The following HEPACAM variants were observed in gnomAD, a reference collection of about 807,000 sequenced individuals.
HEPACAM encodes the protein hepatic and glial cell adhesion molecule.
Under a neutral mutation model 38.3 loss-of-function variants are expected in HEPACAM, and 18 were observed. The ratio of observed to expected loss-of-function variants is 0.47; its 90% CI spans 0.33 to 0.70. The LOEUF is 0.70. Among genes scored for constraint, HEPACAM ranks in the 30% least tolerant of loss-of-function variants. The pLI is 0.03. For missense variants in HEPACAM, 466 were observed against 563.0 expected, an observed-to-expected ratio of 0.83 and a Z score of 1.74; for synonymous variants, 216 against 243.1, an observed-to-expected ratio of 0.89 and a Z score of 1.04.
Position 124,921,008 on chromosome 11 carries a change from C to A in HEPACAM, c.*130G>T, listed in dbSNP as rs1185031443. ...TGCGCATGCTCATACACGTTCACAC[C>A]CGAGACACCAGCGCCCCCCCGGGAC... On this transcript the variant is annotated 3_prime_UTR_variant, in exon 7 of 7. Transcript: ENST00000298251. The surrounding 1 kb of genome is among the most constrained non-coding windows in gnomAD (Gnocchi z 4.6). The A allele has an allele frequency of 2.1e-6, 3 of 1,403,836 alleles. No individual in the cohort carries two copies. The highest frequency in any genetic ancestry group is 2.9e-5 in the Admixed American group (1 of 33,986). The allele number at this position is 1,403,836 out of a possible 1,614,324, so 87.0% of individuals were successfully genotyped here.
chr11:124,928,359 C>G (rs764350259), intron 1 of HEPACAM, among the ~76,000 whole-genome samples: 1 of 152,164 alleles, frequency 6.6e-6, no homozygotes, highest in African/African-American at 2.4e-5. Flanking sequence ...GTATGGATAA[C>G]AAGAGGTGGC....
At chr11:124,928,655 A>G (rs1304661291) in intron 1 of HEPACAM, among the ~76,000 whole-genome samples, 1 of 152,214 alleles carries the variant, frequency 6.6e-6, no homozygotes, top group Non-Finnish European at 1.5e-5. Context: ...AGATAAATGC[A>G]TACCTGATTG....
chr11:124,920,199 A>G lies in HEPACAM; in HGVS notation c.*939T>C. 1.1e-6 allele frequency: 1 copy of G among 886,070 alleles called. No individual in the cohort carries two copies. Among genetic ancestry groups the G allele is most frequent in the Admixed American group, 2.9e-5 (1 of 34,696 alleles). 54.9% of individuals were successfully genotyped at this position (886,070 alleles called of 1,614,324 possible). A position where few individuals can be genotyped will look rare whatever the true frequency, so the allele number is the denominator to read the frequency against. On this transcript the variant is annotated 3_prime_UTR_variant, in exon 7 of 7. Coordinates refer to ENST00000298251, the MANE Select transcript of HEPACAM (RefSeq NM_152722.5). ...TATTCTCACAGCTGGAGGAAGCTCA[A>G]CAACTTTCCTGAGGACAATGATTGT... is the stretch of plus-strand genomic sequence containing the variant.
At chr11:124,935,254 G>A (rs1947328513) in intron 1 of HEPACAM, among the ~76,000 whole-genome samples, 1 of 152,092 alleles carries the variant, frequency 6.6e-6, no homozygotes, top group African/African-American at 2.4e-5. Flanking sequence ...TTAGTAAAAT[G>A]ATCTCCACAT....
At position 124,921,283 on chromosome 11, in the gene HEPACAM, G is replaced by A; in HGVS notation, c.1106C>T (p.Pro369Leu). The A allele has an allele frequency of 7.4e-7, 1 of 1,345,694 alleles. No individual in the cohort carries two copies. The highest frequency in any genetic ancestry group is 9.5e-7 in the Non-Finnish European group (1 of 1,055,990). The allele number at this position is 1,345,694 out of a possible 1,614,324, so 83.4% of individuals were successfully genotyped here. A position where few individuals can be genotyped will look rare whatever the true frequency, so the allele number is the denominator to read the frequency against. The change falls in exon 7 of 7, where the codon CCA becomes CTA. Residue 369 changes from proline to leucine, a missense_variant. Physicochemically the swap from Pro to Leu is moderately conservative, Grantham distance 98 (BLOSUM62 -3). Transcript: ENST00000298251. This position sits in a 1 kb window ranked among gnomAD's most constrained non-coding sequence, Gnocchi z 4.6. ...CGACGAGTGTGTCCGGCCGGTGGCT[G>A]GGGAGCGCGCTGGGGAGCGCGGGTA... Reference protein sequence around the residue: ...RRYPRSPARSPATGRTHSSPP... With the variant: ...RRYPRSPARSLATGRTHSSPP...
At chr11:124,923,558 G>A (rs1161134738) in intron 3 of HEPACAM, 125 bp from the exon 4 acceptor site, 4 of 1,089,558 alleles carry the variant, frequency 3.7e-6, no homozygotes, top group Non-Finnish European at 5.6e-6. Flanking sequence ...TGATGCTGGT[G>A]GTGGAGCTTG....
At chr11:124,929,516 G>A (rs1947258502) in intron 1 of HEPACAM, among the ~76,000 whole-genome samples, 1 of 152,186 alleles carries the variant, frequency 6.6e-6, no homozygotes, top group Non-Finnish European at 1.5e-5. Flanking sequence ...ACACAGAAAT[G>A]AGGAAATAGC....
chr11:124,922,346 G>T, intron 6 of HEPACAM, 42 bp downstream of exon 6: 3 of 1,551,748 alleles, frequency 1.9e-6, no homozygotes, highest in Middle Eastern at 3.4e-4. Flanking sequence ...TGTGGGAGGG[G>T]ATCACTGCAT....
chr11:124,922,526 T>A (rs1171373030), intron 5 of HEPACAM, 68 bp from the exon 6 acceptor site: 1 of 1,599,054 alleles, frequency 6.3e-7, no homozygotes, highest in Admixed American at 1.7e-5. Context: ...GCACCTACTC[T>A]CTGTGCTTCC....
chr11:124,933,038 A>T (rs118010297), intron 1 of HEPACAM, among the ~76,000 whole-genome samples: 1 of 152,148 alleles, frequency 6.6e-6, no homozygotes, highest in African/African-American at 2.4e-5. Context: ...TAAATAATAT[A>T]TTAGGGATGG....
rs1947117097 is a variant in HEPACAM, at chr11:124,920,658, G to A, written c.*480C>T. On this transcript the variant is annotated 3_prime_UTR_variant, in exon 7 of 7. Coordinates refer to ENST00000298251, the MANE Select transcript of HEPACAM (RefSeq NM_152722.5). ...TGCAGCTGTGGATTCTGGGAAAGTG[G>A]CCTCTCTAATCTGAACTTGCAAAAA... The A allele has an allele frequency of 1.8e-6, 1 of 564,468 alleles. No homozygotes were observed. Among genetic ancestry groups the A allele is most frequent in the African/African-American group, 2.7e-5 (1 of 37,430 alleles). 35.0% of individuals were successfully genotyped at this position (564,468 alleles called of 1,614,324 possible).
At position 124,927,349 on chromosome 11, in the gene HEPACAM, C is replaced by CTT. The variant is rs201026909; in HGVS notation, c.86-2282_86-2281dup. Among the ~76,000 whole-genome samples the CTT allele has an allele frequency of 1.2e-3, 176 of 143,306 alleles. 1 individual carries two copies. Among genetic ancestry groups the CTT allele is most frequent in the Non-Finnish European group, 2.0e-3 (129 of 65,418 alleles). 94.0% of individuals were successfully genotyped at this position (143,306 alleles called of 152,430 possible). ...CTCTAGGGGGGCTTCTTAACTCTGA[C>CTT]TTTTTTTTTTTTTGACAAGGTCTCA... On this transcript the variant is annotated intron_variant, in intron 1 of 6. Transcript: ENST00000298251.
chr11:124,936,047 T>C lies in HEPACAM; in HGVS notation c.-41A>G. 1 of 1,562,892 alleles carries C rather than the reference T, an allele frequency of 6.4e-7. No homozygotes were observed. ...CCAGCTCTAGTGCAGACAATTAGCA[T>C]GATTTCTCCACTCTGGGCACGTCCC... On this transcript the variant is annotated 5_prime_UTR_variant, in exon 1 of 7. An upstream start codon of the reference 5' UTR is lost. Transcript: ENST00000298251.
chr11:124,932,047 C>T (rs1344920506), intron 1 of HEPACAM, among the ~76,000 whole-genome samples: 1 of 152,084 alleles, frequency 6.6e-6, no homozygotes, highest in Non-Finnish European at 1.5e-5. Flanking sequence ...GTTAGGATAC[C>T]ACTATAATCC....
intron 1 of HEPACAM, 99 bp downstream of exon 1, chr11:124,935,823 C>T (rs948723314): frequency 1.0e-6 from 1 of 968,056 alleles, no homozygotes; most frequent in Non-Finnish European, 1.6e-6. Flanking sequence ...CTCCCCCACT[C>T]CTGCCCCAAA....
In HEPACAM at chr11:124,919,471, T is replaced by G. The variant is rs1947093754; in HGVS notation, c.*1667A>C. ...TTCTCATCTCACCCTAACCTTCACC[T>G]GTGCATCTCAAGGCTGACCAGCAGG... On this transcript the variant is annotated 3_prime_UTR_variant, in exon 7 of 7. Transcript: ENST00000298251. 1 of 471,462 alleles carries G rather than the reference T, an allele frequency of 2.1e-6. No individual in the cohort carries two copies. The highest frequency in any genetic ancestry group is 3.4e-5 in the Admixed American group (1 of 29,218). 29.2% of individuals were successfully genotyped at this position (471,462 alleles called of 1,614,324 possible).
In HEPACAM at chr11:124,921,130, G is replaced by A. The variant is rs1294609773; in HGVS notation, c.*8C>T. 2.0e-6 allele frequency: 3 copies of A among 1,525,516 alleles called. No homozygotes were observed. In the East Asian group the frequency reaches 7.5e-5, roughly 38 times the overall value. 94.5% of individuals were successfully genotyped at this position (1,525,516 alleles called of 1,614,324 possible). On this transcript the variant is annotated 3_prime_UTR_variant, in exon 7 of 7. Transcript: ENST00000298251. The surrounding 1 kb of genome is among the most constrained non-coding windows in gnomAD (Gnocchi z 4.6). Reference sequence around the variant, plus strand: ...CCGCGGGCGCCTCTCAGGGGATCCCGAGGCGGCTCAGGCGCTGATCTCCAC... The same window carrying A: ...CCGCGGGCGCCTCTCAGGGGATCCCAAGGCGGCTCAGGCGCTGATCTCCAC...
At chr11:124,926,658 C>T (rs1049790565) in intron 1 of HEPACAM, among the ~76,000 whole-genome samples, 1 of 152,064 alleles carries the variant, frequency 6.6e-6, no homozygotes, top group Non-Finnish European at 1.5e-5. Context: ...ATTCTCAGTC[C>T]CTCTGCACCC....
Position 124,921,403 on chromosome 11 carries a change from G to T in HEPACAM, c.986C>A (p.Pro329His). The change falls in exon 7 of 7, where the codon CCT (proline) becomes CAT (histidine). Residue 329 changes from proline to histidine, a missense_variant. Pro to His is a moderately conservative substitution (Grantham distance 77, BLOSUM62 -2). Coordinates refer to ENST00000298251, the MANE Select transcript of HEPACAM (RefSeq NM_152722.5). The surrounding 1 kb of genome is among the most constrained non-coding windows in gnomAD (Gnocchi z 4.6). ...PETEENPAPE[P>H]RSATEPGPPG... ...CGGGCCGGGCTCCGTCGCGCTTCGA[G>T]GCTCCGGGGCCGGGTTCTCCTCGGT... 7.9e-7 allele frequency: 1 copy of T among 1,270,092 alleles called. No individual in the cohort carries two copies. Among genetic ancestry groups the T allele is most frequent in the Non-Finnish European group, 9.9e-7 (1 of 1,010,008 alleles). The allele number at this position is 1,270,092 out of a possible 1,614,324, so 78.7% of individuals were successfully genotyped here.
Sources: allele counts gnomAD v4.1 joint callset (sites outside exome capture counted in the v4.1 genomes callset), GRCh38; gene constraint gnomAD v4.1.1; non-coding constraint Gnocchi (gnomAD v3.1); transcripts MANE v1.5; gene names NCBI Gene and HGNC (gene_info 2026-07-23, HGNC 2026-07-21).